The following CEP350 variants were observed in gnomAD, a reference collection of about 807,000 sequenced individuals.
CEP350 encodes centrosomal protein 350.
In CEP350, 126 loss-of-function variants were observed where a neutral mutation model predicts 331.8. The observed-to-expected ratio is 0.38, with a 90% CI of 0.33 to 0.44. CEP350 has a LOEUF of 0.44. CEP350 is among the 20% of genes least tolerant of loss of function. The probability of loss-of-function intolerance (pLI) is 1.00; values close to 1 mark genes in which losing one functional copy is unlikely to be tolerated. For missense variants in CEP350, 3,406 were observed against 3,634.6 expected (o/e 0.94, Z 1.62); for synonymous variants, 1,200 against 1,259.5 (o/e 0.95, Z 1.00).
chr1:180,059,704 T>G (rs1658078850), intron 25 of CEP350, among the ~76,000 whole-genome samples: 1 of 152,126 alleles, frequency 6.6e-6, no homozygotes, highest in Non-Finnish European at 1.5e-5. Context: ...GATTTGAGTG[T>G]TTGACAAATG....
chr1:180,031,563 AT>A, intron 15 of CEP350, 69 bp downstream of exon 15: 1 of 790,802 alleles, frequency 1.3e-6, no homozygotes, highest in Non-Finnish European at 1.7e-6. Context: ...AAAAATCCAT[AT>A]AATGAATTTT....
intron 37 of CEP350, among the ~76,000 whole-genome samples, chr1:180,108,766 TAAACA>T (rs940167929): frequency 1.3e-5 from 2 of 152,228 alleles, no homozygotes; most frequent in African/African-American, 4.8e-5. Context: ...AACGCTGAGT[TAAACA>T]AGTTTCTTTA....
At chr1:179,976,703 T>C (rs2477119) in intron 1 of CEP350, among the ~76,000 whole-genome samples, 108,918 of 151,764 alleles carry the variant, frequency 0.72, 40,195 homozygotes, top group Admixed American at 0.8. Flanking sequence ...AAATGAAATA[T>C]AGGAAATGAA....
intron 1 of CEP350, among the ~76,000 whole-genome samples, chr1:179,976,122 A>G (rs1471616961): frequency 6.6e-6 from 1 of 152,210 alleles, no homozygotes; most frequent in Non-Finnish European, 1.5e-5. Flanking sequence ...TGACTGGAAA[A>G]TTGTATTACT....
Position 180,094,016 on chromosome 1 carries a change from A to G in CEP350, c.7911A>G (p.Thr2637=), listed in dbSNP as rs1408425058. 1 of 1,613,830 alleles carries G rather than the reference A, an allele frequency of 6.2e-7. No homozygotes were observed. The highest frequency in any genetic ancestry group is 1.1e-5 in the South Asian group (1 of 91,076). The change falls in exon 34 of 38, where the codon ACA becomes ACG. Residue 2637 remains threonine (T), a synonymous_variant. Transcript: ENST00000367607. ...GAAGTAGAAGCCTTAAAATAGAAAC[A>G]GACAATGTACAGGACATTTCTGGGG... is the stretch of plus-strand genomic sequence containing the variant. ...VNRSRSLKIE[T]DNVQDISGVL...
chr1:180,029,598 T>A (rs1655882888), intron 14 of CEP350, among the ~76,000 whole-genome samples: 1 of 152,216 alleles, frequency 6.6e-6, no homozygotes, highest in Non-Finnish European at 1.5e-5. Flanking sequence ...TGAAGCTCTG[T>A]ATTCATTCAG....
intron 12 of CEP350, among the ~76,000 whole-genome samples, chr1:180,022,313 A>G (rs1470356565): frequency 2.0e-5 from 3 of 152,204 alleles, no homozygotes; most frequent in Admixed American, 6.5e-5. Context: ...TTAAGATTTT[A>G]TAGTTAAACT....
chr1:180,095,451 C>G, intron 34 of CEP350, 72 bp from the exon 35 acceptor site: 2 of 1,491,480 alleles, frequency 1.3e-6, no homozygotes, highest in Non-Finnish European at 1.8e-6. Context: ...TGCATTTACT[C>G]TGTCTTTTTT....
chr1:179,965,119 C>G lies in CEP350; in HGVS notation c.-14+9977C>G, dbSNP rs1463089087. On this transcript the variant is annotated intron_variant, in intron 1 of 37. Coordinates refer to ENST00000367607, the MANE Select transcript of CEP350 (RefSeq NM_014810.5). ...TTTGTTTCTCTATTTTCATTTGTTT[C>G]AAAGAATTTTTTTATTTCTGCCTTA... 3.9e-5 allele frequency among the ~76,000 whole-genome samples: 6 copies of G among 152,128 alleles called. No individual in the cohort carries two copies. In the East Asian group the frequency reaches 1.2e-3, roughly 29 times the overall value.
intron 9 of CEP350, among the ~76,000 whole-genome samples, chr1:180,013,041 G>C (rs1239107765): frequency 1.3e-5 from 2 of 152,148 alleles, no homozygotes; most frequent in Non-Finnish European, 2.9e-5. Context: ...CCCTGGCTCT[G>C]TAGAAGAAGC....
At position 180,011,916 on chromosome 1, in the gene CEP350, T is replaced by C. The variant is rs1237900344; in HGVS notation, c.1247-13T>C. On this transcript the variant is annotated splice_polypyrimidine_tract_variant and intron_variant, in intron 8 of 37. Coordinates refer to ENST00000367607, the MANE Select transcript of CEP350 (RefSeq NM_014810.5). Reference sequence around the variant, plus strand: ...AATTTAAGTTTTAATTTCAGTGCCATGTATTTTTTTAGGTAGTAGTCATCT... The same window carrying C: ...AATTTAAGTTTTAATTTCAGTGCCACGTATTTTTTTAGGTAGTAGTCATCT... 2 of 1,565,456 alleles carry C rather than the reference T, an allele frequency of 1.3e-6. No individual in the cohort carries two copies. The highest frequency in any genetic ancestry group is 1.7e-6 in the Non-Finnish European group (2 of 1,153,710).
intron 36 of CEP350, among the ~76,000 whole-genome samples, chr1:180,097,585 A>G (rs1660555794): frequency 6.6e-6 from 1 of 152,224 alleles, no homozygotes; most frequent in Non-Finnish European, 1.5e-5. Context: ...AAGTAACAAA[A>G]TAAATTATTA....
intron 1 of CEP350, among the ~76,000 whole-genome samples, chr1:179,961,204 G>T: frequency 6.6e-6 from 1 of 152,108 alleles, no homozygotes; most frequent in Non-Finnish European, 1.5e-5. Flanking sequence ...CCAGCACTTT[G>T]GAAGGCCGAG....
At chr1:179,958,746 G>T (rs1012944282) in intron 1 of CEP350, among the ~76,000 whole-genome samples, 4 of 152,090 alleles carry the variant, frequency 2.6e-5, no homozygotes, top group African/African-American at 9.7e-5. Context: ...ATTAATAAGC[G>T]CCACATAAGT....
At chr1:179,984,466 T>A (rs1652509612) in intron 1 of CEP350, among the ~76,000 whole-genome samples, 1 of 152,200 alleles carries the variant, frequency 6.6e-6, no homozygotes, top group Non-Finnish European at 1.5e-5. Context: ...GCGGCTTCAG[T>A]TCTTTGCCAC....
chr1:179,974,119 G>A lies in CEP350; in HGVS notation c.-13-12050G>A, dbSNP rs188026480. 3.3e-5 allele frequency among the ~76,000 whole-genome samples: 5 copies of A among 150,498 alleles called. No individual in the cohort carries two copies. In the East Asian group the frequency reaches 9.8e-4, roughly 29 times the overall value. The stretch of plus-strand genomic sequence containing the variant: ...TTTTGAGATGGAGTCTCGCTCTGTT[G>A]CCCAGACTGGAGTGCAGTGGCGTGA... On this transcript the variant is annotated intron_variant, in intron 1 of 37. Coordinates refer to ENST00000367607, the MANE Select transcript of CEP350 (RefSeq NM_014810.5).
At chr1:180,104,754 A>C (rs993518786) in intron 37 of CEP350, among the ~76,000 whole-genome samples, 2 of 152,172 alleles carry the variant, frequency 1.3e-5, no homozygotes, top group Non-Finnish European at 2.9e-5. Flanking sequence ...ATTAGATATT[A>C]TTAATATAAT....
intron 21 of CEP350, among the ~76,000 whole-genome samples, chr1:180,046,692 T>C (rs1657143072): frequency 6.6e-6 from 1 of 152,234 alleles, no homozygotes. Context: ...TTTTATACTA[T>C]TTTCCCACCA....
chr1:180,082,676 C>A (rs1659648370), intron 30 of CEP350, among the ~76,000 whole-genome samples: 1 of 152,118 alleles, frequency 6.6e-6, no homozygotes, highest in African/African-American at 2.4e-5. Flanking sequence ...CATCTAAAAA[C>A]CCCAGGTTTT....
Sources: allele counts gnomAD v4.1 joint callset (sites outside exome capture counted in the v4.1 genomes callset), GRCh38; gene constraint gnomAD v4.1.1; transcripts MANE v1.5; gene names NCBI Gene and HGNC (gene_info 2026-07-23, HGNC 2026-07-21).